The following CD82 variants were observed in gnomAD, a reference collection of about 807,000 sequenced individuals.
CD82 encodes CD82 molecule, also known as CD82 antigen.
Under a neutral mutation model 37.4 loss-of-function variants are expected in CD82, and 36 were observed. The observed-to-expected ratio is 0.96, with a 90% CI of 0.74 to 1.27. The LOEUF (loss-of-function observed/expected upper bound fraction) is 1.27. Among genes scored for constraint, CD82 ranks in the 50% most tolerant of loss-of-function variants. CD82 has a pLI of 0.00. For missense variants in CD82, 340 were observed against 347.0 expected (o/e 0.98, Z 0.16); for synonymous variants, 158 against 137.4 (o/e 1.15, Z -1.05).
intron 1 of CD82, chr11:44,573,290 A>G (rs1852841841): frequency 6.6e-6 from 1 of 152,262 alleles, no homozygotes; most frequent in Admixed American, 6.5e-5. Context: ...CAATTGGTAA[A>G]TTATACTAGT....
chr11:44,607,919 T>C (rs1853421895), intron 6 of CD82: 3 of 152,244 alleles, frequency 2.0e-5, no homozygotes, highest in African/African-American at 4.8e-5. Flanking sequence ...TTTGGGTTTC[T>C]CGACCCCAGC....
At chr11:44,617,066 T>C (rs546742112) in intron 7 of CD82, among the ~76,000 whole-genome samples, 3 of 152,218 alleles carry the variant, frequency 2.0e-5, no homozygotes, top group Admixed American at 6.5e-5. Flanking sequence ...GGCCACTGGC[T>C]ACTGGTCAGG....
intron 7 of CD82, 100 bp downstream of exon 7, chr11:44,615,473 G>T: frequency 1.4e-6 from 1 of 739,558 alleles, no homozygotes; most frequent in Non-Finnish European, 2.4e-6. Context: ...TGCAGTGCTC[G>T]TGTGTGCCTG....
chr11:44,595,908 CAA>C (rs71449886), intron 3 of CD82, among the ~76,000 whole-genome samples: 9 of 69,670 alleles, frequency 1.3e-4, no homozygotes, highest in African/African-American at 1.8e-4. Flanking sequence ...TGTTTCTCTA[CAA>C]AAAAAAAAAA....
intron 2 of CD82, among the ~76,000 whole-genome samples, chr11:44,588,103 T>C (rs1204082833): frequency 2.0e-5 from 3 of 152,210 alleles, no homozygotes; most frequent in Admixed American, 2.0e-4. Flanking sequence ...AGAAAGTGAC[T>C]GCACAGCATG....
chr11:44,587,579 T>C (rs7118753), intron 2 of CD82, 23 bp downstream of exon 2: 1 of 455,616 alleles, frequency 2.2e-6, no homozygotes, highest in Non-Finnish European at 4.4e-6. Flanking sequence ...CTGAGAGGAG[T>C]GGTGGGTTGG....
intron 1 of CD82, among the ~76,000 whole-genome samples, chr11:44,582,779 C>T (rs554370392): frequency 2.6e-5 from 4 of 152,270 alleles, no homozygotes; most frequent in South Asian, 2.1e-4. Flanking sequence ...TAGAGCTTTC[C>T]GATCAATGAG....
intron 2 of CD82, 62 bp from the exon 3 acceptor site, chr11:44,594,581 G>T: frequency 2.0e-6 from 2 of 1,011,984 alleles, no homozygotes; most frequent in Non-Finnish European, 3.2e-6. Flanking sequence ...CACCTCCTGG[G>T]GTTGCTGCAA....
In CD82 at chr11:44,587,522, G is replaced by T. The variant is rs532951527; in HGVS notation, c.-55G>T. ...ACGACACGTGGGCACAGGCAGAAGT[G>T]GGCCCTGTGACCAGCTGCACTGGTT... On this transcript the variant is annotated 5_prime_UTR_variant, in exon 2 of 10. Coordinates refer to ENST00000227155, the MANE Select transcript of CD82 (RefSeq NM_002231.4). The T allele has an allele frequency of 2.2e-6, 1 of 456,232 alleles. No individual in the cohort carries two copies. The highest frequency in any genetic ancestry group is 4.4e-6 in the Non-Finnish European group (1 of 226,978). 28.3% of individuals were successfully genotyped at this position (456,232 alleles called of 1,614,324 possible). A position where few individuals can be genotyped will look rare whatever the true frequency, so the allele number is the denominator to read the frequency against.
intron 2 of CD82, chr11:44,587,826 A>G (rs1853079208): frequency 5.9e-6 from 2 of 341,248 alleles, no homozygotes; most frequent in Non-Finnish European, 1.2e-5. Context: ...GGGCAAGGAC[A>G]GAAGAGGCCT....
chr11:44,587,564 C>T lies in CD82; in HGVS notation c.-21+8C>T. ...GCACTGGTTTCGTGGAAGGTAAGTC[C>T]TGGGCTGAGAGGAGTGGTGGGTTGG... On this transcript the variant is annotated splice_region_variant and intron_variant, in intron 2 of 9. Transcript: ENST00000227155. The T allele has an allele frequency of 2.2e-6, 1 of 456,326 alleles. No individual in the cohort carries two copies. Among genetic ancestry groups the T allele is most frequent in the South Asian group, 1.5e-5 (1 of 64,568 alleles). 28.3% of individuals were successfully genotyped at this position (456,326 alleles called of 1,614,324 possible).
At chr11:44,575,631 G>A (rs940201222) in intron 1 of CD82, among the ~76,000 whole-genome samples, 9 of 152,146 alleles carry the variant, frequency 5.9e-5, no homozygotes, top group African/African-American at 2.4e-5. Flanking sequence ...GTAAAGTAGT[G>A]GGATGGGGCA....
intron 6 of CD82, among the ~76,000 whole-genome samples, chr11:44,607,597 C>A (rs1320670205): frequency 6.6e-6 from 1 of 152,208 alleles, no homozygotes; most frequent in Non-Finnish European, 1.5e-5. Flanking sequence ...AAATATGGCC[C>A]ACCAGGTTGG....
At position 44,620,069 on chromosome 11, in the gene CD82, G is replaced by C. The variant is rs555485604; in HGVS notation, c.*943G>C. The C allele has an allele frequency of 3.9e-5, 6 of 153,160 alleles. No individual in the cohort carries two copies. Among genetic ancestry groups the C allele is most frequent in the African/African-American group, 1.2e-4 (5 of 41,542 alleles). The allele number at this position is 153,160 out of a possible 1,614,324, so 9.5% of individuals were successfully genotyped here. A position where few individuals can be genotyped will look rare whatever the true frequency, so the allele number is the denominator to read the frequency against. ...GGCTGGAGGGGGTCTGCCTGGGTAAGGGGATCTGGCTTGGCCCTGAGCTGC... is the reference window on the plus strand; with the variant it reads ...GGCTGGAGGGGGTCTGCCTGGGTAACGGGATCTGGCTTGGCCCTGAGCTGC... On this transcript the variant is annotated 3_prime_UTR_variant, in exon 10 of 10. Coordinates refer to ENST00000227155, the MANE Select transcript of CD82 (RefSeq NM_002231.4).
chr11:44,576,765 A>T (rs1268409128), intron 1 of CD82, among the ~76,000 whole-genome samples: 1 of 152,178 alleles, frequency 6.6e-6, no homozygotes, highest in Non-Finnish European at 1.5e-5. Flanking sequence ...TTTCTCATGT[A>T]CTTATTCTCC....
At chr11:44,587,342 C>T (rs563003365) in intron 1 of CD82, 133 bp from the exon 2 acceptor site, 37 of 433,554 alleles carry the variant, frequency 8.5e-5, no homozygotes, top group African/African-American at 7.0e-4. Flanking sequence ...GGGAAGAGGA[C>T]AGAGGAATGG....
intron 3 of CD82, chr11:44,595,092 A>C: frequency 4.2e-6 from 1 of 238,832 alleles, no homozygotes; most frequent in Non-Finnish European, 8.3e-6. Flanking sequence ...CCTGGCCCCC[A>C]CCCTGCCCAT....
At chr11:44,610,361 CAG>C (rs1853462974) in intron 6 of CD82, among the ~76,000 whole-genome samples, 1 of 152,218 alleles carries the variant, frequency 6.6e-6, no homozygotes, top group Non-Finnish European at 1.5e-5. Flanking sequence ...TAAATTGTAT[CAG>C]AGCCTCTCAA....
At chr11:44,615,213 C>A in intron 6 of CD82, 59 bp from the exon 7 acceptor site, 2 of 1,150,700 alleles carry the variant, frequency 1.7e-6, no homozygotes, top group Non-Finnish European at 2.6e-6. Flanking sequence ...GTAGGGGTGA[C>A]CACAGGTGGG....
Sources: gnomAD v4.1 joint callset for allele counts (sites outside exome capture counted in the v4.1 genomes callset) on GRCh38, gnomAD v4.1.1 for gene constraint, MANE v1.5 for transcripts, NCBI Gene and HGNC (gene_info 2026-07-23, HGNC 2026-07-21) for gene names.